Variants in ANO10 observed in about 807,000 individuals in gnomAD.
ANO10 encodes anoctamin 10, also known as anoctamin-10.
Under a neutral mutation model 74.7 loss-of-function variants are expected in ANO10, and 77 were observed. The ratio of observed to expected loss-of-function variants is 1.03; its 90% CI spans 0.86 to 1.25. ANO10 has a LOEUF of 1.25. Among genes scored for constraint, ANO10 ranks in the 50% most tolerant of loss-of-function variants. The probability of loss-of-function intolerance (pLI) is 0.00; values close to 1 mark genes in which losing one functional copy is unlikely to be tolerated. For synonymous variants in ANO10, 279 were observed against 284.9 expected (o/e 0.98, Z 0.21); for missense variants, 721 against 778.1 (o/e 0.93, Z 0.87).
upstream of ANO10, among the ~76,000 whole-genome samples, chr3:43,625,730 T>A (rs1450681497): frequency 2.0e-5 from 3 of 152,200 alleles, no homozygotes; most frequent in African/African-American, 7.2e-5. Flanking sequence ...AATAGAACAG[T>A]CCTTTTTCTT....
rs550855782 is a variant in ANO10, at chr3:43,454,070, G to A, written c.1798-21343C>T. Among the ~76,000 whole-genome samples the A allele has an allele frequency of 1.2e-3, 188 of 152,326 alleles. 1 individual carries two copies. Among genetic ancestry groups the A allele is most frequent in the African/African-American group, 3.9e-3 (163 of 41,566 alleles). On this transcript the variant is annotated intron_variant, in intron 11 of 12. Transcript: ENST00000292246. ...ACTAAAATGTAGACAGGATAGCCAG[G>A]GGAAGGTGACTCTCAATAAAGACCT...
chr3:43,456,121 T>C (rs2075113663), intron 11 of ANO10, among the ~76,000 whole-genome samples: 1 of 152,314 alleles, frequency 6.6e-6, no homozygotes, highest in East Asian at 1.9e-4. Flanking sequence ...CCTGGGAACC[T>C]GGGCTCAGCA....
chr3:43,555,078 A>C (rs1293863639), intron 10 of ANO10, among the ~76,000 whole-genome samples, 200 bp downstream of exon 10: 2 of 152,098 alleles, frequency 1.3e-5, no homozygotes, highest in Non-Finnish European at 2.9e-5. Context: ...ATCTCCCCTA[A>C]CCCCCAATTT....
chr3:43,490,276 T>G (rs2076669676), intron 11 of ANO10, among the ~76,000 whole-genome samples: 1 of 152,208 alleles, frequency 6.6e-6, no homozygotes. Flanking sequence ...ATGGTGTGTG[T>G]GTTCCTCTCC....
intron 1 of ANO10, among the ~76,000 whole-genome samples, chr3:43,669,830 A>G (rs1424180294): frequency 6.6e-6 from 1 of 151,942 alleles, no homozygotes; most frequent in African/African-American, 2.4e-5. Context: ...GAGTTCAAGC[A>G]GTTCTCCTGT....
chr3:43,690,888 G>A, intron 1 of ANO10: 2 of 1,290,966 alleles, frequency 1.5e-6, no homozygotes, highest in Non-Finnish European at 2.0e-6. Context: ...GAAGACGCAT[G>A]CGCTGGCGGC....
At chr3:43,493,616 AC>A (rs1255847824) in intron 11 of ANO10, among the ~76,000 whole-genome samples, 1 of 152,242 alleles carries the variant, frequency 6.6e-6, no homozygotes, top group Non-Finnish European at 1.5e-5. Context: ...GGTTAAAAAA[AC>A]ATAAAGGTTA....
Position 43,536,798 on chromosome 3 carries a change from T to C in ANO10, c.1797+12922A>G, listed in dbSNP as rs148450034. Reference sequence around the variant, plus strand: ...TTGAAAAAGAAAAAAAATCTACTTTTTTCATCTTGTAAACATGTCCTAAGC... The same window carrying C: ...TTGAAAAAGAAAAAAAATCTACTTTCTTCATCTTGTAAACATGTCCTAAGC... On this transcript the variant is annotated intron_variant, in intron 11 of 12. Coordinates refer to ENST00000292246, the MANE Select transcript of ANO10 (RefSeq NM_018075.5). Among the ~76,000 whole-genome samples, 50 of 152,250 alleles carry C rather than the reference T, an allele frequency of 3.3e-4. No individual in the cohort carries two copies. In the East Asian group the frequency reaches 8.9e-3, roughly 27 times the overall value.
chr3:43,372,841 T>C lies in ANO10; in HGVS notation c.1915-5867A>G, dbSNP rs1229159292. 11 of 1,535,426 alleles carry C rather than the reference T, an allele frequency of 7.2e-6. No individual in the cohort carries two copies. The South Asian group carries it at 8.3e-5, about 12-fold the overall frequency. ...CGTGGAAGAGAGACCAGCTTGCAGC[T>C]TGCAGCCTGCAGTAGCAGCCAGAGA... On this transcript the variant is annotated intron_variant, in intron 12 of 12. Transcript: ENST00000292246.
intron 11 of ANO10, among the ~76,000 whole-genome samples, chr3:43,461,167 A>T (rs538638762): frequency 6.6e-6 from 1 of 152,182 alleles, no homozygotes; most frequent in Non-Finnish European, 1.5e-5. Context: ...AATTACCAAT[A>T]TCAGGAATAA....
At chr3:43,554,358 A>G (rs1049935474) in intron 10 of ANO10, among the ~76,000 whole-genome samples, 2 of 151,480 alleles carry the variant, frequency 1.3e-5, no homozygotes, top group African/African-American at 2.4e-5. Context: ...CATGCTGGCT[A>G]ATTTTTGTAT....
chr3:43,443,452 A>T (rs1431922033), intron 11 of ANO10, among the ~76,000 whole-genome samples: 1 of 152,136 alleles, frequency 6.6e-6, no homozygotes, highest in East Asian at 1.9e-4. Context: ...ATGCTTTGGG[A>T]GAGACAGTAT....
intron 1 of ANO10, among the ~76,000 whole-genome samples, chr3:43,611,198 C>T (rs1225573807): frequency 6.6e-6 from 1 of 152,178 alleles, no homozygotes; most frequent in Non-Finnish European, 1.5e-5. Context: ...GGGAGTGCTT[C>T]TATCTCTCCT....
At chr3:43,543,534 G>A (rs982351006) in intron 11 of ANO10, among the ~76,000 whole-genome samples, 2 of 151,950 alleles carry the variant, frequency 1.3e-5, no homozygotes, top group Admixed American at 6.6e-5. Flanking sequence ...GACTACAGGC[G>A]CCCGCCACAG....
intron 11 of ANO10, among the ~76,000 whole-genome samples, chr3:43,500,036 A>C (rs1454202501): frequency 2.0e-5 from 3 of 151,974 alleles, no homozygotes; most frequent in Non-Finnish European, 4.4e-5. Context: ...TAGTAGAGAC[A>C]GGGTTTCGTC....
At position 43,492,897 on chromosome 3, in the gene ANO10, G is replaced by C. The variant is rs143657616; in HGVS notation, c.1797+56823C>G. On this transcript the variant is annotated intron_variant, in intron 11 of 12. Transcript: ENST00000292246. The stretch of plus-strand genomic sequence containing the variant: ...AGTGTGGCGATTCCTCAAGGATCTA[G>C]AACTAGAAATACCATTTGACCCAGC... 9.5e-3 allele frequency among the ~76,000 whole-genome samples: 1,439 copies of C among 152,222 alleles called. 20 individuals carry two copies. Among genetic ancestry groups the C allele is most frequent in the African/African-American group, 0.032 (1,312 of 41,526 alleles).
At chr3:43,509,975 T>C (rs2077448860) in intron 11 of ANO10, among the ~76,000 whole-genome samples, 1 of 152,184 alleles carries the variant, frequency 6.6e-6, no homozygotes, top group Non-Finnish European at 1.5e-5. Context: ...ATTACATTTA[T>C]ATAACATTTT....
intron 1 of ANO10, chr3:43,691,208 G>A: frequency 1.8e-6 from 1 of 565,358 alleles, no homozygotes; most frequent in South Asian, 5.0e-5. Context: ...AGGCGTCCCG[G>A]CGCCGCTCTG....
intron 11 of ANO10, among the ~76,000 whole-genome samples, chr3:43,520,052 C>T (rs554643885): frequency 2.3e-4 from 35 of 152,040 alleles, no homozygotes; most frequent in Non-Finnish European, 4.3e-4. Context: ...ACCACATTTC[C>T]CAGCTTCCCA....
Sources: gnomAD v4.1 joint callset for allele counts (sites outside exome capture counted in the v4.1 genomes callset) on GRCh38, gnomAD v4.1.1 for gene constraint, MANE v1.5 for transcripts, NCBI Gene and HGNC (gene_info 2026-07-23, HGNC 2026-07-21) for gene names.